Variants in FHAD1 observed in about 807,000 individuals in gnomAD.
FHAD1 encodes forkhead-associated domain-containing protein 1.
Under a neutral mutation model 191.3 loss-of-function variants are expected in FHAD1, and 146 were observed. The observed-to-expected ratio is 0.76, with a 90% CI of 0.67 to 0.88. The LOEUF is 0.88. Among genes scored for constraint, FHAD1 ranks in the 40% least tolerant of loss-of-function variants. The pLI is 0.00. For missense variants in FHAD1, 1,635 were observed against 1,785.8 expected (o/e 0.92, Z 1.52); for synonymous variants, 616 against 672.3 (o/e 0.92, Z 1.29).
chr1:15,339,828 T>C lies in FHAD1; in HGVS notation c.1977+277T>C, dbSNP rs1286992846. ...TCTGTCAAAGGCCCAGAAGACTTAATGCCATCAGATTTTTTTTTTTTGAGT... is the reference window on the plus strand; with the variant it reads ...TCTGTCAAAGGCCCAGAAGACTTAACGCCATCAGATTTTTTTTTTTTGAGT... On this transcript the variant is annotated intron_variant, in intron 15 of 33. Coordinates refer to ENST00000688493, the MANE Select transcript of FHAD1 (RefSeq NM_001391957.1). 2.0e-5 allele frequency among the ~76,000 whole-genome samples: 3 copies of C among 151,986 alleles called. No homozygotes were observed. The East Asian group carries it at 5.8e-4, about 29-fold the overall frequency.
At position 15,367,642 on chromosome 1, in the gene FHAD1, G is replaced by T; in HGVS notation, c.3314+20G>T. 1 of 1,445,914 alleles carries T rather than the reference G, an allele frequency of 6.9e-7. No individual in the cohort carries two copies. The allele number at this position is 1,445,914 out of a possible 1,614,324, so 89.6% of individuals were successfully genotyped here. On this transcript the variant is annotated intron_variant, in intron 25 of 33. Coordinates refer to ENST00000688493, the MANE Select transcript of FHAD1 (RefSeq NM_001391957.1). ...ACTCAGGTTGGGTGGGCGGGGGCCG[G>T]GTTGGGGGGATGGTTTGCCTGCCGT...
rs558573112 is a variant in FHAD1, at chr1:15,325,644, C to G, written c.1473+1085C>G. 6.0e-4 allele frequency: 92 copies of G among 152,834 alleles called. No homozygotes were observed. Among genetic ancestry groups the G allele is most frequent in the African/African-American group, 2.1e-3 (89 of 41,592 alleles). 9.5% of individuals were successfully genotyped at this position (152,834 alleles called of 1,614,324 possible). ...CTCTTCCTGTGCACATTGGCTACCC[C>G]CAATCTTCCCCCTAACACATACCTG... On this transcript the variant is annotated intron_variant, in intron 11 of 33. Coordinates refer to ENST00000688493, the MANE Select transcript of FHAD1 (RefSeq NM_001391957.1). The surrounding 1 kb of genome is among the most constrained non-coding windows in gnomAD (Gnocchi z 4.6).
rs1433709945 is a variant in FHAD1, at chr1:15,312,007, C to T, written c.1040-1050C>T. ...TTGGCTGGAGGCCTCAGTTCCTCACCATGTGTGTCCTTCCCTAGGGCTGCT... is the reference window on the plus strand; with the variant it reads ...TTGGCTGGAGGCCTCAGTTCCTCACTATGTGTGTCCTTCCCTAGGGCTGCT... On this transcript the variant is annotated intron_variant, in intron 7 of 33. Transcript: ENST00000688493. The surrounding 1 kb of genome is among the most constrained non-coding windows in gnomAD (Gnocchi z 4.7). The T allele has an allele frequency of 6.6e-6, 1 of 152,264 alleles. No individual in the cohort carries two copies. Among genetic ancestry groups the T allele is most frequent in the Non-Finnish European group, 1.5e-5 (1 of 68,092 alleles). The allele number at this position is 152,264 out of a possible 1,614,324, so 9.4% of individuals were successfully genotyped here.
At chr1:15,396,985 C>A (rs1459055753) in intron 33 of FHAD1, among the ~76,000 whole-genome samples, 2 of 147,572 alleles carry the variant, frequency 1.4e-5, no homozygotes, top group Non-Finnish European at 1.5e-5. Flanking sequence ...GAGATCAAGA[C>A]CATCCTGGCT....
rs531280884 is a variant in FHAD1, at chr1:15,345,596, C to G, written c.2346+73C>G. The G allele has an allele frequency of 3.3e-6, 4 of 1,199,740 alleles. No individual in the cohort carries two copies. The African/African-American group carries it at 6.1e-5, about 18-fold the overall frequency. 74.3% of individuals were successfully genotyped at this position (1,199,740 alleles called of 1,614,324 possible). A position where few individuals can be genotyped will look rare whatever the true frequency, so the allele number is the denominator to read the frequency against. On this transcript the variant is annotated intron_variant, in intron 18 of 33. Coordinates refer to ENST00000688493, the MANE Select transcript of FHAD1 (RefSeq NM_001391957.1). ...CCATGTGGAAGGAAGTTCAGAGCGGCGATGATGGGGGTGAGATCGTGGTGG... is the reference window on the plus strand; with the variant it reads ...CCATGTGGAAGGAAGTTCAGAGCGGGGATGATGGGGGTGAGATCGTGGTGG...
rs559665415 is a variant in FHAD1, at chr1:15,396,324, G to GA, written c.4324-962dup. 4.8e-3 allele frequency among the ~76,000 whole-genome samples: 629 copies of GA among 131,968 alleles called. 4 individuals carry two copies. The highest frequency in any genetic ancestry group is 0.012 in the South Asian group (49 of 4,228). 86.6% of individuals were successfully genotyped at this position (131,968 alleles called of 152,430 possible). A position where few individuals can be genotyped will look rare whatever the true frequency, so the allele number is the denominator to read the frequency against. On this transcript the variant is annotated intron_variant, in intron 33 of 33. Transcript: ENST00000688493. ...GCAACAGAGTGAGACCCCATATCAA[G>GA]AAAAAAAAAAAGAAAAAATAGAGAA... is the stretch of plus-strand genomic sequence containing the variant.
chr1:15,358,743 G>A (rs1031397392), intron 21 of FHAD1, among the ~76,000 whole-genome samples: 3 of 142,422 alleles, frequency 2.1e-5, no homozygotes, highest in Admixed American at 1.4e-4. Flanking sequence ...CTCGGCATTC[G>A]AGGCCCTCCA....
chr1:15,308,775 G>C (rs79547319), intron 7 of FHAD1, 39 bp downstream of exon 7: 1 of 1,549,832 alleles, frequency 6.5e-7, no homozygotes. Flanking sequence ...TGCCACTCCC[G>C]CACCCGTTGT....
chr1:15,256,348 C>A (rs1321168282), intron 2 of FHAD1, among the ~76,000 whole-genome samples: 3 of 152,094 alleles, frequency 2.0e-5, no homozygotes, highest in Non-Finnish European at 4.4e-5. Flanking sequence ...AGGGTCCCCA[C>A]AGAGATGCTT....
intron 15 of FHAD1, 85 bp from the exon 16 acceptor site, chr1:15,341,651 G>A: frequency 8.2e-7 from 1 of 1,217,688 alleles, no homozygotes; most frequent in African/African-American, 1.5e-5. Context: ...ACCCAGAAAG[G>A]TAAACAATTG....
At chr1:15,382,340 A>G (rs1570508662) in intron 31 of FHAD1, 147 bp downstream of exon 31, 1 of 796,890 alleles carries the variant, frequency 1.3e-6, no homozygotes, top group Non-Finnish European at 2.0e-6. Context: ...TTTGCATCAG[A>G]CAGACCTAGA....
chr1:15,352,005 A>G (rs1208627879), intron 19 of FHAD1, among the ~76,000 whole-genome samples: 2 of 152,178 alleles, frequency 1.3e-5, no homozygotes, highest in Non-Finnish European at 2.9e-5. Flanking sequence ...CATGCCCTGT[A>G]ACGATTTTCA....
intron 3 of FHAD1, 99 bp downstream of exon 3, chr1:15,272,628 A>C: frequency 9.5e-7 from 1 of 1,057,918 alleles, no homozygotes; most frequent in Non-Finnish European, 1.4e-6. Flanking sequence ...CATTGGTGCC[A>C]CTGTGATCGC....
intron 3 of FHAD1, among the ~76,000 whole-genome samples, chr1:15,288,174 C>T (rs527599611): frequency 6.6e-6 from 1 of 152,294 alleles, no homozygotes; most frequent in East Asian, 1.9e-4. Flanking sequence ...CTCTCCAAGC[C>T]TCACTTCTAA....
chr1:15,367,966 T>G (rs1696991705), intron 25 of FHAD1, among the ~76,000 whole-genome samples: 2 of 151,998 alleles, frequency 1.3e-5, no homozygotes, highest in African/African-American at 4.8e-5. Context: ...TTGTTGTTGT[T>G]GTTGTTTGTT....
chr1:15,360,166 CAAA>C (rs1553302170), intron 21 of FHAD1, among the ~76,000 whole-genome samples: 1 of 152,086 alleles, frequency 6.6e-6, no homozygotes, highest in Non-Finnish European at 1.5e-5. Flanking sequence ...GGAAGAGAAA[CAAA>C]GAAACAAAAT....
intron 1 of FHAD1, among the ~76,000 whole-genome samples, chr1:15,240,479 TA>T (rs1431024706): frequency 6.6e-6 from 1 of 150,594 alleles, no homozygotes; most frequent in Non-Finnish European, 1.5e-5. Context: ...AAATAAAAAT[TA>T]AAAAAATAGG....
At chr1:15,251,628 G>C in intron 1 of FHAD1, 143 bp from the exon 2 acceptor site, 1 of 619,644 alleles carries the variant, frequency 1.6e-6, no homozygotes, top group Middle Eastern at 4.3e-4. Flanking sequence ...CGTCATTGTT[G>C]ACTGATCTAT....
rs775520725 is a variant in FHAD1 at position 15,374,651 on chromosome 1, G to A, written c.3577+20G>A. On this transcript the variant is annotated intron_variant, in intron 27 of 33. Transcript: ENST00000688493. ...CACCAGGTAAGTCTCCTCCTTCCTA[G>A]TCAGAGCAGTGGACCCCAGACTCCG... is the stretch of plus-strand genomic sequence containing the variant. The A allele has an allele frequency of 6.4e-7, 1 of 1,550,388 alleles. No homozygotes were observed. The highest frequency in any genetic ancestry group is 1.2e-5 in the South Asian group (1 of 83,972).
Sources: allele counts gnomAD v4.1 joint callset (sites outside exome capture counted in the v4.1 genomes callset), GRCh38; gene constraint gnomAD v4.1.1; non-coding constraint Gnocchi (gnomAD v3.1); transcripts MANE v1.5; gene names NCBI Gene and HGNC (gene_info 2026-07-23, HGNC 2026-07-21).